The following PRICKLE2 variants were observed in gnomAD, a reference collection of about 807,000 sequenced individuals.
The protein encoded by PRICKLE2 is prickle planar cell polarity protein 2, also known as prickle-like protein 2.
Under a neutral mutation model 81.4 loss-of-function variants are expected in PRICKLE2, and 21 were observed. The observed-to-expected ratio is 0.26, with a 90% confidence interval of 0.18 to 0.37. PRICKLE2 has a LOEUF of 0.37. Ranked by LOEUF, PRICKLE2 falls within the 10% of genes least tolerant of loss-of-function variation. The probability of loss-of-function intolerance (pLI) is 1.00; values close to 1 mark genes in which losing one functional copy is unlikely to be tolerated. For missense variants in PRICKLE2, 940 were observed against 1,109.0 expected, an observed-to-expected ratio of 0.85 and a Z score of 2.16; for synonymous variants, 456 against 421.5, an observed-to-expected ratio of 1.08 and a Z score of -1.00.
chr3:64,105,225 G>A, intron 7 of PRICKLE2, among the ~76,000 whole-genome samples: 1 of 152,086 alleles, frequency 6.6e-6, no homozygotes, highest in South Asian at 2.1e-4. Context: ...TCCTTCTAAA[G>A]TAGCAAAGTT....
At position 64,231,715 on chromosome 3, in the gene PRICKLE2, T is replaced by C. The variant is rs139221568; in HGVS notation, c.129-32748A>G. ...CTAAAATATTGTTTTTCTAAAGGAATGAGGAGGACTGGACATACCAGACAT... is the reference window on the plus strand; with the variant it reads ...CTAAAATATTGTTTTTCTAAAGGAACGAGGAGGACTGGACATACCAGACAT... On this transcript the variant is annotated intron_variant, in intron 2 of 8. Coordinates refer to the PRICKLE2 transcript ENST00000295902. 2.2e-3 allele frequency among the ~76,000 whole-genome samples: 336 copies of C among 152,280 alleles called. 2 individuals carry two copies. Among genetic ancestry groups the C allele is most frequent in the Non-Finnish European group, 2.1e-3 (143 of 68,028 alleles).
At chr3:64,239,455 T>C (rs373589789) in intron 2 of PRICKLE2, among the ~76,000 whole-genome samples, 5 of 152,264 alleles carry the variant, frequency 3.3e-5, no homozygotes, top group South Asian at 2.1e-4. Flanking sequence ...CCAGGGAACA[T>C]GGAGATGCTT....
At chr3:64,217,801 T>C (rs574274240) in intron 1 of PRICKLE2, among the ~76,000 whole-genome samples, 3 of 152,216 alleles carry the variant, frequency 2.0e-5, no homozygotes, top group Non-Finnish European at 4.4e-5. Flanking sequence ...AGCATGGTGA[T>C]ACAGGTGCCA....
intron 2 of PRICKLE2, among the ~76,000 whole-genome samples, chr3:64,238,426 G>A (rs1034621777): frequency 1.3e-5 from 2 of 149,714 alleles, no homozygotes; most frequent in African/African-American, 4.9e-5. Context: ...GGTGGAGGTT[G>A]CAGTGAACCG....
intron 1 of PRICKLE2, among the ~76,000 whole-genome samples, chr3:64,217,696 T>A (rs868403106): frequency 6.6e-6 from 1 of 152,146 alleles, no homozygotes; most frequent in African/African-American, 2.4e-5. Flanking sequence ...CTGCCTCCAG[T>A]GCTGTGTTGA....
intron 2 of PRICKLE2, among the ~76,000 whole-genome samples, chr3:64,232,163 G>A (rs1313756021): frequency 2.0e-5 from 3 of 152,082 alleles, no homozygotes; most frequent in African/African-American, 7.2e-5. Flanking sequence ...TACATCCTTG[G>A]TTAGTTATGA....
Position 64,099,438 on chromosome 3 carries a change from A to T in PRICKLE2, c.2148T>A (p.Pro716=). The part of the protein sequence containing the change: ...EAISRLKDRP[P]LRAREDYDQF... ...GGTCATAGTCCTCCCTGGCTCTCAG[A>T]GGGGGCCTATCTTTTAACCGGGAGA... The change falls in exon 8 of 8, where the codon CCT becomes CCA. Residue 716 remains proline, a synonymous_variant. Coordinates refer to ENST00000638394, the MANE Select transcript of PRICKLE2 (RefSeq NM_198859.4). This position sits in a 1 kb window ranked among gnomAD's most constrained non-coding sequence, Gnocchi z 4.3. 2 of 1,588,324 alleles carry T rather than the reference A, an allele frequency of 1.3e-6. No individual in the cohort carries two copies. Among genetic ancestry groups the T allele is most frequent in the Non-Finnish European group, 1.7e-6 (2 of 1,164,142 alleles).
At chr3:64,110,036 G>A (rs984694138) in intron 7 of PRICKLE2, among the ~76,000 whole-genome samples, 3 of 152,212 alleles carry the variant, frequency 2.0e-5, no homozygotes, top group African/African-American at 7.2e-5. Flanking sequence ...AGTGAAGGAG[G>A]AAACCAGGAA....
chr3:64,262,694 G>C (rs2079634428), intron 2 of PRICKLE2, among the ~76,000 whole-genome samples: 1 of 152,158 alleles, frequency 6.6e-6, no homozygotes, highest in Non-Finnish European at 1.5e-5. Flanking sequence ...GATAAAGTAA[G>C]AGGGAGACAG....
intron 2 of PRICKLE2, among the ~76,000 whole-genome samples, chr3:64,193,160 C>A (rs1269298616): frequency 1.3e-5 from 2 of 152,192 alleles, no homozygotes; most frequent in Non-Finnish European, 2.9e-5. Context: ...ATAAGGTTAG[C>A]TGCTGCTGTC....
At chr3:64,190,979 T>C (rs1242080737) in intron 2 of PRICKLE2, among the ~76,000 whole-genome samples, 3 of 152,040 alleles carry the variant, frequency 2.0e-5, no homozygotes, top group Non-Finnish European at 4.4e-5. Context: ...CTTGGGGCAT[T>C]AGAGGATTCA....
In PRICKLE2 at chr3:64,165,665, G is replaced by A. The variant is rs567055353; in HGVS notation, c.145-2536C>T. On this transcript the variant is annotated intron_variant, in intron 2 of 7. Transcript: ENST00000638394. Reference sequence around the variant, plus strand: ...AGGAACTACCAGCGCATGCCACCATGCCTGGCTAATTTTTAAAATATTTTG... The same window carrying A: ...AGGAACTACCAGCGCATGCCACCATACCTGGCTAATTTTTAAAATATTTTG... Among the ~76,000 whole-genome samples, 33 of 152,174 alleles carry A rather than the reference G, an allele frequency of 2.2e-4. 1 individual carries two copies. The highest frequency in any genetic ancestry group is 6.7e-4 in the African/African-American group (28 of 41,528).
chr3:64,162,451 C>A (rs1280061255), intron 3 of PRICKLE2, among the ~76,000 whole-genome samples: 1 of 152,130 alleles, frequency 6.6e-6, no homozygotes, highest in Non-Finnish European at 1.5e-5. Context: ...GAAAAAAGGA[C>A]AGTCTGCTAG....
Position 64,099,332 on chromosome 3 carries a change from C to A in PRICKLE2, c.2254G>T (p.Val752Leu). The A allele has an allele frequency of 6.2e-7, 1 of 1,614,218 alleles. No homozygotes were observed. The highest frequency in any genetic ancestry group is 8.5e-7 in the Non-Finnish European group (1 of 1,180,040). Reference protein sequence around the residue: ...RDLYGQCPRTVSDLALQNAFG... With the variant: ...RDLYGQCPRTLSDLALQNAFG... Reference sequence around the variant, plus strand: ...GCATTCTGCAAAGCCAGGTCCGACACAGTCCTAGGGCACTGGCCGTACAGG... The same window carrying A: ...GCATTCTGCAAAGCCAGGTCCGACAAAGTCCTAGGGCACTGGCCGTACAGG... Residue 752 changes from valine to leucine, a missense_variant, in exon 8 of 8, where the codon GTG becomes TTG. By Grantham distance (32) the Val-to-Leu change is conservative. Coordinates refer to ENST00000638394, the MANE Select transcript of PRICKLE2 (RefSeq NM_198859.4). The surrounding 1 kb of genome is among the most constrained non-coding windows in gnomAD (Gnocchi z 4.3).
rs560269759 is a variant in PRICKLE2, at chr3:64,107,052, G to A, written c.1661-7127C>T. ...GCTCAGGGTGATGATAGAGTTAAAC[G>A]CAGTGATTTATCCATATCCCAAGGG... is the stretch of plus-strand genomic sequence containing the variant. On this transcript the variant is annotated intron_variant, in intron 7 of 7. Coordinates refer to ENST00000638394, the MANE Select transcript of PRICKLE2 (RefSeq NM_198859.4). 1.1e-4 allele frequency among the ~76,000 whole-genome samples: 16 copies of A among 152,282 alleles called. No homozygotes were observed. The East Asian group carries it at 1.2e-3, about 11-fold the overall frequency.
chr3:64,210,514 C>T (rs2078768189), intron 1 of PRICKLE2, among the ~76,000 whole-genome samples: 2 of 152,154 alleles, frequency 1.3e-5, no homozygotes, highest in Admixed American at 1.3e-4. Context: ...TGGTCCTATC[C>T]AACTCCCTCC....
chr3:64,193,455 A>T (rs949892133), intron 2 of PRICKLE2, among the ~76,000 whole-genome samples: 3 of 152,224 alleles, frequency 2.0e-5, no homozygotes, highest in Admixed American at 6.5e-5. Flanking sequence ...ATAGAAAACT[A>T]TCGAACCATT....
At chr3:64,111,722 A>G (rs939183451) in intron 7 of PRICKLE2, among the ~76,000 whole-genome samples, 1 of 152,196 alleles carries the variant, frequency 6.6e-6, no homozygotes, top group South Asian at 2.1e-4. Flanking sequence ...CAAATCATCT[A>G]TGCTGTTAGA....
intron 2 of PRICKLE2, among the ~76,000 whole-genome samples, chr3:64,255,811 G>A (rs1399078654): frequency 6.6e-6 from 1 of 152,192 alleles, no homozygotes; most frequent in African/African-American, 2.4e-5. Context: ...TTCTGGCCAA[G>A]GAGATGGTAG....
Sources: gnomAD v4.1 joint callset for allele counts (sites outside exome capture counted in the v4.1 genomes callset) on GRCh38, gnomAD v4.1.1 for gene constraint, Gnocchi (gnomAD v3.1) non-coding constraint, MANE v1.5 for transcripts, NCBI Gene and HGNC (gene_info 2026-07-23, HGNC 2026-07-21) for gene names.